ZNF518A: variants seen among roughly 807,000 people sequenced by gnomAD.
The protein encoded by ZNF518A is zinc finger protein 518.
ZNF518A carries 47 observed loss-of-function variants against 102.7 expected under a neutral mutation model. The observed-to-expected ratio is 0.46, with a 90% confidence interval of 0.36 to 0.58. The LOEUF is 0.58. ZNF518A is among the 20% of genes least tolerant of loss of function. The probability of loss-of-function intolerance (pLI) is 0.00; values close to 1 mark genes in which losing one functional copy is unlikely to be tolerated. For missense variants in ZNF518A, 1,793 were observed against 1,699.8 expected, an observed-to-expected ratio of 1.05 and a Z score of -0.96; for synonymous variants, 652 against 594.6, an observed-to-expected ratio of 1.10 and a Z score of -1.40.
At chr10:96,154,286 G>A (rs1342786762) in intron 3 of ZNF518A, among the ~76,000 whole-genome samples, 1 of 152,144 alleles carries the variant, frequency 6.6e-6, no homozygotes, top group African/African-American at 2.4e-5. Flanking sequence ...AGTGAGCCGT[G>A]ATGGTGCCAC....
At chr10:96,190,513 A>T (rs184328584) in intron 1 of ZNF518A, among the ~76,000 whole-genome samples, 1 of 152,312 alleles carries the variant, frequency 6.6e-6, no homozygotes, top group East Asian at 1.9e-4. Context: ...GGACTTCAAC[A>T]TATCTTTTTG....
At chr10:96,186,736 A>C (rs900564108) in intron 1 of ZNF518A, among the ~76,000 whole-genome samples, 1 of 152,224 alleles carries the variant, frequency 6.6e-6, no homozygotes, top group Admixed American at 6.5e-5. Context: ...TAGAGAAACC[A>C]AAACAAATAA....
rs782162785 is a variant in ZNF518A at position 96,156,300 on chromosome 10, A to T, written c.-23A>T. The T allele has an allele frequency of 1.3e-6, 2 of 1,537,290 alleles. No individual in the cohort carries two copies. The highest frequency in any genetic ancestry group is 4.5e-5 in the Admixed American group (2 of 44,036). ...TTCAAGAGTTTTCAGAAAAAAAGAA[A>T]TTGGGACTTTTTTGGTTAAATCATG... On this transcript the variant is annotated 5_prime_UTR_variant, in exon 6 of 6. Transcript: ENST00000316045.
intron 1 of ZNF518A, among the ~76,000 whole-genome samples, chr10:96,178,814 G>A (rs1384897228): frequency 6.6e-6 from 1 of 151,772 alleles, no homozygotes; most frequent in Non-Finnish European, 1.5e-5. Context: ...AAATAAATTT[G>A]GTATCCTAGT....
At chr10:96,177,241 T>C (rs918244449) in intron 1 of ZNF518A, among the ~76,000 whole-genome samples, 2 of 152,170 alleles carry the variant, frequency 1.3e-5, no homozygotes, top group Non-Finnish European at 2.9e-5. Context: ...ATGATATTTT[T>C]AAAATATTGA....
In ZNF518A at chr10:96,186,884, T is replaced by C. The variant is rs182684223; in HGVS notation, n.36-16690T>C. 1.2e-4 allele frequency among the ~76,000 whole-genome samples: 19 copies of C among 152,336 alleles called. No homozygotes were observed. In the East Asian group the frequency reaches 3.7e-3, roughly 29 times the overall value. On this transcript the variant is annotated intron_variant and non_coding_transcript_variant, in intron 1 of 2. Coordinates refer to the ZNF518A transcript ENST00000442635. ...AGTTACTTTTAGGGTCATTCACATA[T>C]TTAGTAGAATAATATGTCCATCTTG...
At chr10:96,148,488 A>G (rs2082273921) in intron 3 of ZNF518A, among the ~76,000 whole-genome samples, 1 of 152,206 alleles carries the variant, frequency 6.6e-6, no homozygotes, top group Non-Finnish European at 1.5e-5. Context: ...TTTCTAACAA[A>G]TTACTTTTTT....
intron 1 of ZNF518A, among the ~76,000 whole-genome samples, chr10:96,181,055 T>C (rs1212674530): frequency 1.3e-5 from 2 of 152,248 alleles, no homozygotes; most frequent in Non-Finnish European, 2.9e-5. Context: ...TGTAAGATGG[T>C]ATCTCATTGT....
downstream of ZNF518A, chr10:96,204,351 C>G: frequency 1.3e-6 from 1 of 760,058 alleles, no homozygotes; most frequent in Non-Finnish European, 2.2e-6. Context: ...TAGTAGGTCT[C>G]TGCAACTCTA....
chr10:96,175,816 G>T (rs1015501565), intron 1 of ZNF518A, among the ~76,000 whole-genome samples: 4 of 152,074 alleles, frequency 2.6e-5, no homozygotes, highest in Non-Finnish European at 5.9e-5. Context: ...GCTAGTGGCT[G>T]TCAACCTAAT....
At chr10:96,170,595 T>A (rs1217682800) in intron 1 of ZNF518A, among the ~76,000 whole-genome samples, 3 of 152,226 alleles carry the variant, frequency 2.0e-5, no homozygotes, top group African/African-American at 7.2e-5. Context: ...CCTGGGATGC[T>A]AAAAGCTTTT....
At chr10:96,154,467 TTTTTC>T (rs140353007) in intron 3 of ZNF518A, among the ~76,000 whole-genome samples, 10,375 of 151,668 alleles carry the variant, frequency 0.068, 660 homozygotes, top group African/African-American at 0.17. Context: ...TCTTTTCTTT[TTTTTC>T]TTTTCTTTTC....
rs782764543 is a variant in ZNF518A at position 96,160,394 on chromosome 10, C to T, written c.4072C>T (p.Pro1358Ser). 3.1e-6 allele frequency: 5 copies of T among 1,613,268 alleles called. No individual in the cohort carries two copies. The East Asian group carries it at 1.1e-4, about 36-fold the overall frequency. The change falls in exon 6 of 6, where the codon CCA (proline) becomes TCA (serine). Residue 1358 changes from proline (P) to serine (S), a missense_variant. Around this residue, in one of 3 missense-constraint regions of ZNF518A, gnomAD observed 1,741 missense variants for 1,622.6 expected, o/e 1.07. Transcript: ENST00000316045. ...VVLNHPDADA[P>S]EVVSVMKTIA... ...TTTGAATCATCCTGACGCAGATGCACCAGAAGTAGTAAGTGTAATGAAAAC... is the reference window on the plus strand; with the variant it reads ...TTTGAATCATCCTGACGCAGATGCATCAGAAGTAGTAAGTGTAATGAAAAC...
intron 3 of ZNF518A, among the ~76,000 whole-genome samples, chr10:96,150,500 C>T (rs2082383240): frequency 6.6e-6 from 1 of 150,838 alleles, no homozygotes; most frequent in Non-Finnish European, 1.5e-5. Context: ...TCTAATCTTG[C>T]CTGGTATTTG....
intron 1 of ZNF518A, chr10:96,191,955 G>C: frequency 6.2e-7 from 1 of 1,613,324 alleles, no homozygotes; most frequent in African/African-American, 1.3e-5. Context: ...CAATGGTATT[G>C]ATCTTTTTTT....
chr10:96,176,741 C>CA (rs2083206711), intron 1 of ZNF518A, among the ~76,000 whole-genome samples: 1 of 151,714 alleles, frequency 6.6e-6, no homozygotes, highest in African/African-American at 2.4e-5. Flanking sequence ...ACTAAAAATA[C>CA]AAAAATTAGC....
At position 96,156,240 on chromosome 10, in the gene ZNF518A, A is replaced by G. The variant is rs2082687830; in HGVS notation, c.-83A>G. On this transcript the variant is annotated 5_prime_UTR_variant, in exon 6 of 6. Transcript: ENST00000316045. ...AATCCTGTATATTGAAGATGTCTCT[A>G]CACAGTATCGTTTCCTGTTTAAATT... 2.2e-6 allele frequency: 3 copies of G among 1,389,422 alleles called. No individual in the cohort carries two copies. Among genetic ancestry groups the G allele is most frequent in the Non-Finnish European group, 2.9e-6 (3 of 1,033,692 alleles). The allele number at this position is 1,389,422 out of a possible 1,614,324, so 86.1% of individuals were successfully genotyped here.
At chr10:96,141,761 T>C (rs1318024268) in intron 3 of ZNF518A, among the ~76,000 whole-genome samples, 4 of 151,540 alleles carry the variant, frequency 2.6e-5, no homozygotes, top group Middle Eastern at 3.4e-3. Context: ...TTTTTTTTTT[T>C]TTTTGAGACA....
chr10:96,160,401 T>C lies in ZNF518A; in HGVS notation c.4079T>C (p.Val1360Ala). 1 of 1,613,302 alleles carries C rather than the reference T, an allele frequency of 6.2e-7. No individual in the cohort carries two copies. The highest frequency in any genetic ancestry group is 1.1e-5 in the South Asian group (1 of 90,940). ...CATCCTGACGCAGATGCACCAGAAG[T>C]AGTAAGTGTAATGAAAACTATTGCT... ...LNHPDADAPE[V>A]VSVMKTIAKF... The change falls in exon 6 of 6, where the codon GTA becomes GCA. Residue 1360 changes from valine (V) to alanine (A), a missense_variant. By Grantham distance (64) the Val-to-Ala change is moderately conservative. This residue lies in a region of ZNF518A where 1,741 missense variants were observed against 1,622.6 expected (regional missense o/e 1.07). Transcript: ENST00000316045.
Sources: gnomAD v4.1 joint callset for allele counts (sites outside exome capture counted in the v4.1 genomes callset) on GRCh38, gnomAD v4.1.1 for gene constraint, gnomAD v4.1.1 regional missense constraint, MANE v1.5 for transcripts, NCBI Gene and HGNC (gene_info 2026-07-23, HGNC 2026-07-21) for gene names.